ITGA2: variants seen among roughly 807,000 people sequenced by gnomAD.
ITGA2 encodes integrin subunit alpha 2.
In ITGA2, 101 loss-of-function variants were observed where a neutral mutation model predicts 146.3. The observed-to-expected ratio is 0.69, with a 90% CI of 0.59 to 0.81. The LOEUF is 0.81. Among genes scored for constraint, ITGA2 ranks in the 40% least tolerant of loss-of-function variants. The pLI is 0.00. For missense variants in ITGA2, 1,281 were observed against 1,402.7 expected (o/e 0.91, Z 1.39); for synonymous variants, 477 against 487.1 (o/e 0.98, Z 0.27).
At chr5:53,080,040 T>A (rs1296950037) in intron 24 of ITGA2, among the ~76,000 whole-genome samples, 1 of 152,070 alleles carries the variant, frequency 6.6e-6, no homozygotes, top group African/African-American at 2.4e-5. Flanking sequence ...CATAGAGAGG[T>A]CAAGTTCCTT....
Position 53,051,701 on chromosome 5 carries a change from C to T in ITGA2, c.779+142C>T, listed in dbSNP as rs182198086. The T allele has an allele frequency of 5.8e-5, 49 of 848,116 alleles. No individual in the cohort carries two copies. In the African/African-American group the frequency reaches 6.9e-4, roughly 12 times the overall value. The allele number at this position is 848,116 out of a possible 1,614,324, so 52.5% of individuals were successfully genotyped here. A position where few individuals can be genotyped will look rare whatever the true frequency, so the allele number is the denominator to read the frequency against. On this transcript the variant is annotated intron_variant, in intron 7 of 29. Transcript: ENST00000296585. ...AAATCAGAACTAATAAAGAAAAAAA[C>T]ATCAGAGCATTCTATGTCTTGAATA...
intron 11 of ITGA2, among the ~76,000 whole-genome samples, chr5:53,060,315 T>C (rs1173016116): frequency 1.3e-5 from 2 of 151,938 alleles, no homozygotes; most frequent in Non-Finnish European, 2.9e-5. Flanking sequence ...GATAGTCTTA[T>C]AGTATTTTAG....
chr5:53,001,432 G>A (rs1481977037), intron 1 of ITGA2, among the ~76,000 whole-genome samples: 1 of 152,166 alleles, frequency 6.6e-6, no homozygotes. Flanking sequence ...GTCATGTAAG[G>A]AGCAGTGGTT....
intron 1 of ITGA2, among the ~76,000 whole-genome samples, chr5:52,993,993 C>T (rs918182273): frequency 2.6e-5 from 4 of 152,126 alleles, no homozygotes; most frequent in African/African-American, 7.2e-5. Flanking sequence ...GCAGAACATA[C>T]AGAAGAGTGG....
chr5:52,992,911 C>T (rs550538752), intron 1 of ITGA2, among the ~76,000 whole-genome samples: 2 of 152,266 alleles, frequency 1.3e-5, no homozygotes, highest in Admixed American at 1.3e-4. Flanking sequence ...ACACACACCA[C>T]ACACATGCCC....
At chr5:53,035,700 A>G (rs925435874) in intron 2 of ITGA2, among the ~76,000 whole-genome samples, 1 of 152,132 alleles carries the variant, frequency 6.6e-6, no homozygotes, top group African/African-American at 2.4e-5. Flanking sequence ...TCACAAATTC[A>G]TTTTATGTTT....
chr5:53,022,402 C>G (rs1742733506), intron 1 of ITGA2, among the ~76,000 whole-genome samples: 1 of 152,128 alleles, frequency 6.6e-6, no homozygotes, highest in Non-Finnish European at 1.5e-5. Context: ...TTAACTATAT[C>G]AAATCCCCAA....
intron 1 of ITGA2, among the ~76,000 whole-genome samples, chr5:52,997,137 C>G (rs1454260232): frequency 2.6e-5 from 4 of 152,196 alleles, no homozygotes; most frequent in African/African-American, 9.7e-5. Flanking sequence ...TAAACTTGAA[C>G]TGCATATTTG....
intron 1 of ITGA2, among the ~76,000 whole-genome samples, chr5:53,000,976 A>G (rs1416287646): frequency 1.5e-5 from 2 of 133,522 alleles, no homozygotes; most frequent in Non-Finnish European, 3.0e-5. Flanking sequence ...ATCTTGGCTC[A>G]CTGCAACTTC....
At chr5:53,018,410 C>A (rs1054617370) in intron 1 of ITGA2, among the ~76,000 whole-genome samples, 2 of 152,122 alleles carry the variant, frequency 1.3e-5, no homozygotes, top group African/African-American at 4.8e-5. Context: ...CCACTCCTCA[C>A]CTGTTCAACT....
At chr5:53,084,960 TTTA>T (rs1037867002) in intron 27 of ITGA2, among the ~76,000 whole-genome samples, 2 of 152,212 alleles carry the variant, frequency 1.3e-5, no homozygotes, top group African/African-American at 4.8e-5. Context: ...AAGTGTAGTA[TTTA>T]TGCTGCTTTA....
Position 53,074,383 on chromosome 5 carries a change from A to G in ITGA2, c.2572-2A>G. On this transcript the variant is annotated splice_acceptor_variant, in intron 20 of 29. Transcript: ENST00000296585. LOFTEE classifies it high-confidence loss of function. The stretch of plus-strand genomic sequence containing the variant: ...CATTGTTGTTTCCTTGGTCTTGTTC[A>G]GGTTGATGGGACAGAAGTAACATGC... 6.2e-7 allele frequency: 1 copy of G among 1,611,450 alleles called. No homozygotes were observed. Among genetic ancestry groups the G allele is most frequent in the Non-Finnish European group, 8.5e-7 (1 of 1,178,154 alleles).
chr5:53,039,162 A>G (rs954319944), intron 2 of ITGA2, among the ~76,000 whole-genome samples: 1 of 152,216 alleles, frequency 6.6e-6, no homozygotes, highest in Admixed American at 6.5e-5. Flanking sequence ...AGGCTTACAC[A>G]TAGTACCAGA....
Position 53,087,929 on chromosome 5 carries a change from G to A in ITGA2, c.3348+888G>A, listed in dbSNP as rs551558812. On this transcript the variant is annotated intron_variant, in intron 28 of 29. Transcript: ENST00000296585. Reference sequence around the variant, plus strand: ...AAAGTTATGGCCCCATGAACTATGGGCCTCCTCACTCCATGCCTGAGAGTG... The same window carrying A: ...AAAGTTATGGCCCCATGAACTATGGACCTCCTCACTCCATGCCTGAGAGTG... Among the ~76,000 whole-genome samples, 20 of 152,262 alleles carry A rather than the reference G, an allele frequency of 1.3e-4. No homozygotes were observed. In the South Asian group the frequency reaches 3.9e-3, roughly 30 times the overall value.
chr5:53,077,344 C>G (rs1389592374), intron 23 of ITGA2, among the ~76,000 whole-genome samples: 1 of 151,886 alleles, frequency 6.6e-6, no homozygotes, highest in East Asian at 1.9e-4. Flanking sequence ...TATTTCTTAG[C>G]AACAACTTTG....
intron 1 of ITGA2, among the ~76,000 whole-genome samples, chr5:53,009,684 GTGTTA>G (rs1393451055): frequency 6.6e-6 from 1 of 152,072 alleles, no homozygotes; most frequent in Non-Finnish European, 1.5e-5. Flanking sequence ...TATATGCTGA[GTGTTA>G]TGGACTGAAT....
intron 1 of ITGA2, among the ~76,000 whole-genome samples, chr5:53,019,931 C>T (rs566289534): frequency 6.6e-6 from 1 of 152,110 alleles, no homozygotes; most frequent in East Asian, 1.9e-4. Context: ...TTTTTAATCT[C>T]TTGTTGTGTC....
At chr5:52,994,259 C>T (rs763733451) in intron 1 of ITGA2, among the ~76,000 whole-genome samples, 12 of 152,116 alleles carry the variant, frequency 7.9e-5, no homozygotes, top group Non-Finnish European at 1.6e-4. Flanking sequence ...GAAAAAAATC[C>T]AAACATGGGG....
At chr5:53,056,898 C>T (rs1490953944) in intron 9 of ITGA2, among the ~76,000 whole-genome samples, 1 of 151,634 alleles carries the variant, frequency 6.6e-6, no homozygotes, top group Non-Finnish European at 1.5e-5. Flanking sequence ...CAATAAAGAC[C>T]ATATGTTATT....
Sources: allele counts gnomAD v4.1 joint callset (sites outside exome capture counted in the v4.1 genomes callset), GRCh38; gene constraint gnomAD v4.1.1; transcripts MANE v1.5; gene names NCBI Gene and HGNC (gene_info 2026-07-23, HGNC 2026-07-21).